ADAMTS2: variants seen among roughly 807,000 people sequenced by gnomAD.
ADAMTS2 encodes ADAM metallopeptidase with thrombospondin type 1 motif 2, also known as A disintegrin and metalloproteinase with thrombospondin motifs 2.
ADAMTS2 carries 50 observed loss-of-function variants against 123.0 expected under a neutral mutation model. That is an observed-to-expected ratio of 0.41 (90% confidence interval 0.32 to 0.51). The LOEUF (loss-of-function observed/expected upper bound fraction) is 0.51. Among genes scored for constraint, ADAMTS2 ranks in the 20% least tolerant of loss-of-function variants. The pLI, the probability that ADAMTS2 is intolerant of heterozygous loss-of-function variation, is 0.35. For synonymous variants in ADAMTS2, 678 were observed against 695.4 expected (o/e 0.98, Z 0.39); for missense variants, 1,494 against 1,705.2 (o/e 0.88, Z 2.18).
At position 179,181,418 on chromosome 5, in the gene ADAMTS2, C is replaced by A. The variant is rs1418816621; in HGVS notation, c.892-263G>T. On this transcript the variant is annotated intron_variant, in intron 4 of 21. Coordinates refer to ENST00000251582, the MANE Select transcript of ADAMTS2 (RefSeq NM_014244.5). The surrounding 1 kb of genome is among the most constrained non-coding windows in gnomAD (Gnocchi z 4.1). The stretch of plus-strand genomic sequence containing the variant: ...CAGCCCAGGGTTTCCTCACCTGGGG[C>A]CTGAACATGGAACGTGGGCAGGGAA... Among the ~76,000 whole-genome samples the A allele has an allele frequency of 6.6e-6, 1 of 152,152 alleles. No individual in the cohort carries two copies. Among genetic ancestry groups the A allele is most frequent in the Non-Finnish European group, 1.5e-5 (1 of 68,034 alleles).
chr5:179,147,644 G>C (rs991733959), intron 10 of ADAMTS2, among the ~76,000 whole-genome samples: 2 of 152,168 alleles, frequency 1.3e-5, no homozygotes, highest in African/African-American at 4.8e-5. Flanking sequence ...GGTGTGGCGA[G>C]TATTTCTGGA....
At chr5:179,217,427 G>C (rs1765008468) in intron 3 of ADAMTS2, among the ~76,000 whole-genome samples, 1 of 152,226 alleles carries the variant, frequency 6.6e-6, no homozygotes, top group Non-Finnish European at 1.5e-5. Flanking sequence ...AGCAGGCTGG[G>C]GAGATAAATG....
rs1432264315 is a variant in ADAMTS2, at chr5:179,129,570, T to C, written c.2457+362A>G. 6.6e-6 allele frequency among the ~76,000 whole-genome samples: 1 copy of C among 152,144 alleles called. No individual in the cohort carries two copies. Among genetic ancestry groups the C allele is most frequent in the Admixed American group, 6.5e-5 (1 of 15,282 alleles). ...GTCCAGCTCAACCTGGGTCTGGGCA[T>C]CTAGCTTCCCAGACCCTGAGCGTCA... On this transcript the variant is annotated intron_variant, in intron 16 of 21. Transcript: ENST00000251582. This position sits in a 1 kb window ranked among gnomAD's most constrained non-coding sequence, Gnocchi z 4.1.
chr5:179,251,876 G>A (rs1209349464), intron 3 of ADAMTS2, among the ~76,000 whole-genome samples: 2 of 152,044 alleles, frequency 1.3e-5, no homozygotes, highest in African/African-American at 4.8e-5. Context: ...GAGATTGTCT[G>A]CAGAATTACC....
At chr5:179,124,098 C>T (rs1216107641) in intron 19 of ADAMTS2, among the ~76,000 whole-genome samples, 10 of 152,224 alleles carry the variant, frequency 6.6e-5, no homozygotes, top group African/African-American at 2.4e-4. Context: ...TTGCCTGTGA[C>T]TTTTCTTTTT....
In ADAMTS2 at chr5:179,228,659, G is replaced by A. The variant is rs372169661; in HGVS notation, c.689-20944C>T. 3.3e-5 allele frequency among the ~76,000 whole-genome samples: 5 copies of A among 152,344 alleles called. No individual in the cohort carries two copies. The South Asian group carries it at 1.0e-3, about 32-fold the overall frequency. ...CCCAGCCCCAGAACCCACCATGCGC[G>A]GCTGGGCCGACTGTGCCTGCCCTTA... On this transcript the variant is annotated intron_variant, in intron 3 of 21. Coordinates refer to ENST00000251582, the MANE Select transcript of ADAMTS2 (RefSeq NM_014244.5). The surrounding 1 kb of genome is among the most constrained non-coding windows in gnomAD (Gnocchi z 5.2).
At chr5:179,232,478 A>G (rs190439583) in intron 3 of ADAMTS2, among the ~76,000 whole-genome samples, 2 of 152,350 alleles carry the variant, frequency 1.3e-5, no homozygotes, top group African/African-American at 4.8e-5. Flanking sequence ...CGGAAGTGTC[A>G]GAACCAGGAT....
intron 2 of ADAMTS2, among the ~76,000 whole-genome samples, chr5:179,310,640 T>C (rs953386263): frequency 1.7e-4 from 26 of 152,200 alleles, no homozygotes; most frequent in Middle Eastern, 3.4e-3. Context: ...GGGAGCTTGT[T>C]AGAGATGCTG....
At position 179,260,586 on chromosome 5, in the gene ADAMTS2, G is replaced by C. The variant is rs1224376492; in HGVS notation, c.688+12325C>G. Among the ~76,000 whole-genome samples, 1 of 152,162 alleles carries C rather than the reference G, an allele frequency of 6.6e-6. No individual in the cohort carries two copies. Among genetic ancestry groups the C allele is most frequent in the Non-Finnish European group, 1.5e-5 (1 of 68,032 alleles). On this transcript the variant is annotated intron_variant, in intron 3 of 21. Transcript: ENST00000251582. The surrounding 1 kb of genome is among the most constrained non-coding windows in gnomAD (Gnocchi z 4.2). ...CAGGAGGGCACTGCACTGGGTGTCA[G>C]CAGCCCTGGGTTCTAAGCCTGCTCC... is the stretch of plus-strand genomic sequence containing the variant.
rs1268281275 is a variant in ADAMTS2, at chr5:179,117,559, T to TC, written c.3179-3236_3179-3235insG. On this transcript the variant is annotated intron_variant, in intron 21 of 21. Coordinates refer to ENST00000251582, the MANE Select transcript of ADAMTS2 (RefSeq NM_014244.5). This position sits in a 1 kb window ranked among gnomAD's most constrained non-coding sequence, Gnocchi z 4.2. ...ATCAGGCCCATGCCCATGCATTTTT[T>TC]TTTTTTTTTTTGAGATGAAGTCTTG... 1.3e-5 allele frequency among the ~76,000 whole-genome samples: 2 copies of TC among 152,016 alleles called. No homozygotes were observed. Among genetic ancestry groups the TC allele is most frequent in the East Asian group, 3.9e-4 (2 of 5,176 alleles).
rs1393067731 is a variant in ADAMTS2 at position 179,155,931 on chromosome 5, C to T, written c.1133-1012G>A. ...GGACCCCGGGTGAGCTGGCGGTGTACGCGCCTAAAAATAGAAGCATCGTGA... is the reference window on the plus strand; with the variant it reads ...GGACCCCGGGTGAGCTGGCGGTGTATGCGCCTAAAAATAGAAGCATCGTGA... On this transcript the variant is annotated intron_variant, in intron 6 of 21. Coordinates refer to ENST00000251582, the MANE Select transcript of ADAMTS2 (RefSeq NM_014244.5). This position sits in a 1 kb window ranked among gnomAD's most constrained non-coding sequence, Gnocchi z 5.1. Among the ~76,000 whole-genome samples the T allele has an allele frequency of 1.3e-5, 2 of 152,040 alleles. No individual in the cohort carries two copies. Among genetic ancestry groups the T allele is most frequent in the African/African-American group, 2.4e-5 (1 of 41,394 alleles).
intron 19 of ADAMTS2, among the ~76,000 whole-genome samples, chr5:179,124,506 C>G (rs2113186132): frequency 6.6e-6 from 1 of 152,354 alleles, no homozygotes; most frequent in African/African-American, 2.4e-5. Flanking sequence ...GGAGCCCGGG[C>G]TACCCTCAGT....
chr5:179,283,981 T>TATTATC (rs1755922480), intron 2 of ADAMTS2, among the ~76,000 whole-genome samples: 3 of 140,432 alleles, frequency 2.1e-5, no homozygotes, highest in Non-Finnish European at 4.6e-5. Flanking sequence ...TTATTATTAT[T>TATTATC]ATTATTATTT....
intron 5 of ADAMTS2, among the ~76,000 whole-genome samples, chr5:179,165,173 G>A (rs992508925): frequency 1.3e-5 from 2 of 152,240 alleles, no homozygotes; most frequent in African/African-American, 4.8e-5. Flanking sequence ...GCTGGGATGC[G>A]ACCTCCTTTG....
intron 3 of ADAMTS2, among the ~76,000 whole-genome samples, chr5:179,269,079 C>T (rs1234989674): frequency 3.3e-5 from 5 of 152,156 alleles, no homozygotes; most frequent in Non-Finnish European, 7.4e-5. Context: ...GAGGGAAGCA[C>T]AGGGACACGT....
intron 2 of ADAMTS2, among the ~76,000 whole-genome samples, chr5:179,274,753 G>A (rs1293202692): frequency 6.6e-6 from 1 of 152,234 alleles, no homozygotes; most frequent in African/African-American, 2.4e-5. Flanking sequence ...TGTAGCGAGG[G>A]AGGCTGGAGA....
chr5:179,267,144 A>G (rs1418444941), intron 3 of ADAMTS2, among the ~76,000 whole-genome samples: 1 of 148,850 alleles, frequency 6.7e-6, no homozygotes, highest in Non-Finnish European at 1.5e-5. Flanking sequence ...CTCTTCCCCC[A>G]GGATCCCCTG....
intron 4 of ADAMTS2, among the ~76,000 whole-genome samples, chr5:179,201,631 C>A (rs368997017): frequency 4.7e-3 from 434 of 91,636 alleles, no homozygotes; most frequent in East Asian, 5.1e-3. Flanking sequence ...ACTAAAAATA[C>A]AAAAAAAAAA....
Position 179,345,321 on chromosome 5 carries a change from G to T in ADAMTS2, c.8C>A (p.Pro3Gln), listed in dbSNP as rs1407363425. ...CAGGCGGCGAGCGGCTCCCGCCGGC[G>T]GATCCATGGCAGCCGGACTGCAGCC... The part of the protein sequence containing the change: MD[P>Q]PAGAARRLLC... The change falls in exon 1 of 22, where the codon CCG (proline) becomes CAG (glutamine). Residue 3 changes from proline to glutamine, a missense_variant. Coordinates refer to ENST00000251582, the MANE Select transcript of ADAMTS2 (RefSeq NM_014244.5). This position sits in a 1 kb window ranked among gnomAD's most constrained non-coding sequence, Gnocchi z 7.5. The T allele has an allele frequency of 2.6e-6, 3 of 1,135,022 alleles. No individual in the cohort carries two copies. The highest frequency in any genetic ancestry group is 8.9e-5 in the East Asian group (2 of 22,430). 70.3% of individuals were successfully genotyped at this position (1,135,022 alleles called of 1,614,324 possible).
Sources: gnomAD v4.1 joint callset for allele counts (sites outside exome capture counted in the v4.1 genomes callset) on GRCh38, gnomAD v4.1.1 for gene constraint, Gnocchi (gnomAD v3.1) non-coding constraint, MANE v1.5 for transcripts, NCBI Gene and HGNC (gene_info 2026-07-23, HGNC 2026-07-21) for gene names.